WWOX: variants seen among roughly 807,000 people sequenced by gnomAD.
WWOX encodes the protein WW domain containing oxidoreductase, also known as WW domain-containing oxidoreductase.
A neutral mutation model predicts 46.2 loss-of-function variants in WWOX; 69 were observed. The ratio of observed to expected loss-of-function variants is 1.49; its 90% CI spans 1.23 to 1.82. The LOEUF (loss-of-function observed/expected upper bound fraction) is 1.82. Ranked by LOEUF, WWOX falls within the 40% of genes most tolerant of loss-of-function variation. The pLI is 0.00. For missense variants in WWOX, 919 were observed against 542.6 expected (o/e 1.69, Z -6.89); for synonymous variants, 359 against 202.6 (o/e 1.77, Z -6.56).
rs778279480 is a variant in WWOX, at chr16:78,404,893, A to G, written c.605+17945A>G. On this transcript the variant is annotated intron_variant, in intron 6 of 8. Coordinates refer to ENST00000566780, the MANE Select transcript of WWOX (RefSeq NM_016373.4). Reference sequence around the variant, plus strand: ...AAAAATGGAAACAACCAGAACTGTAACACCAAGGAATGAGACCTGCATGTC... The same window carrying G: ...AAAAATGGAAACAACCAGAACTGTAGCACCAAGGAATGAGACCTGCATGTC... Among the ~76,000 whole-genome samples the G allele has an allele frequency of 1.7e-4, 26 of 152,342 alleles. No homozygotes were observed. In the Middle Eastern group the frequency reaches 0.01, roughly 60 times the overall value.
intron 5 of WWOX, among the ~76,000 whole-genome samples, chr16:78,292,297 T>A (rs2079873449): frequency 6.6e-6 from 1 of 152,154 alleles, no homozygotes; most frequent in Non-Finnish European, 1.5e-5. Flanking sequence ...GTTAGAAGAA[T>A]GAAAGATTGA....
chr16:78,936,751 A>C (rs77695820), intron 8 of WWOX, among the ~76,000 whole-genome samples: 12,742 of 151,396 alleles, frequency 0.084, 710 homozygotes, highest in Non-Finnish European at 0.13. Context: ...CAGTGGATCA[A>C]CTATGAGTTA....
intron 8 of WWOX, among the ~76,000 whole-genome samples, chr16:78,921,006 G>T (rs2045365708): frequency 6.6e-6 from 1 of 152,112 alleles, no homozygotes; most frequent in African/African-American, 2.4e-5. Flanking sequence ...CACACTGGCT[G>T]TTTGCTTGAT....
intron 5 of WWOX, among the ~76,000 whole-genome samples, chr16:78,192,974 C>T (rs2035929680): frequency 6.6e-6 from 1 of 152,208 alleles, no homozygotes; most frequent in Non-Finnish European, 1.5e-5. Context: ...TGTTTGTTTG[C>T]TCATAACACA....
intron 8 of WWOX, among the ~76,000 whole-genome samples, chr16:79,012,536 C>G (rs1166673573): frequency 6.6e-6 from 1 of 152,136 alleles, no homozygotes; most frequent in African/African-American, 2.4e-5. Flanking sequence ...CGCAGACGGA[C>G]ATATGAATTT....
chr16:78,681,493 T>A (rs16948302), intron 8 of WWOX, among the ~76,000 whole-genome samples: 26,482 of 150,896 alleles, frequency 0.18, 4,792 homozygotes, highest in African/African-American at 0.46. Flanking sequence ...AGAGCCCTTT[T>A]AATTATGACT....
chr16:79,009,473 T>C (rs1201657051), intron 8 of WWOX, among the ~76,000 whole-genome samples: 4 of 152,000 alleles, frequency 2.6e-5, no homozygotes, highest in Admixed American at 6.6e-5. Context: ...CATCAAATTT[T>C]CTTTTTTTTT....
In WWOX at chr16:78,577,805, A is replaced by T. The variant is rs185154221; in HGVS notation, c.1056+145053A>T. On this transcript the variant is annotated intron_variant, in intron 8 of 8. Coordinates refer to ENST00000566780, the MANE Select transcript of WWOX (RefSeq NM_016373.4). ...TCTGTTGCTAGGTAATGTCAATGAC[A>T]TGACTTTCAGTTTAGCACATGTACA... 2.0e-5 allele frequency among the ~76,000 whole-genome samples: 3 copies of T among 152,266 alleles called. No individual in the cohort carries two copies. In the East Asian group the frequency reaches 5.8e-4, roughly 30 times the overall value.
At chr16:79,120,014 A>G (rs2049595848) in intron 8 of WWOX, among the ~76,000 whole-genome samples, 1 of 152,194 alleles carries the variant, frequency 6.6e-6, no homozygotes, top group African/African-American at 2.4e-5. Context: ...ACATAACCAC[A>G]CAGCCCAGTG....
At chr16:78,168,611 T>C (rs1251097438) in intron 5 of WWOX, 1 of 152,126 alleles carries the variant, frequency 6.6e-6, no homozygotes, top group African/African-American at 2.4e-5. Flanking sequence ...TTACCATGTT[T>C]AGTATCAATG....
chr16:79,079,270 C>G (rs2048716421), intron 8 of WWOX, among the ~76,000 whole-genome samples: 1 of 152,192 alleles, frequency 6.6e-6, no homozygotes, highest in Non-Finnish European at 1.5e-5. Context: ...ATTTAATCAC[C>G]TTAGCCCATA....
At chr16:78,373,568 A>AG (rs1462891244) in intron 5 of WWOX, among the ~76,000 whole-genome samples, 7 of 152,068 alleles carry the variant, frequency 4.6e-5, no homozygotes, top group Non-Finnish European at 1.0e-4. Flanking sequence ...CTGTGGAAAG[A>AG]GGAGAAGTAT....
chr16:78,824,056 C>G (rs895415554), intron 8 of WWOX, among the ~76,000 whole-genome samples: 3 of 152,002 alleles, frequency 2.0e-5, no homozygotes, highest in African/African-American at 7.2e-5. Context: ...GGTTTCTAGC[C>G]TCTGAATCCA....
At chr16:78,476,904 C>T (rs886065385) in intron 8 of WWOX, among the ~76,000 whole-genome samples, 2 of 152,070 alleles carry the variant, frequency 1.3e-5, no homozygotes, top group African/African-American at 4.8e-5. Flanking sequence ...CTCTTCTCTC[C>T]CCTCTCCCCC....
intron 6 of WWOX, among the ~76,000 whole-genome samples, chr16:78,419,021 C>G (rs561676889): frequency 2.6e-5 from 4 of 152,036 alleles, no homozygotes; most frequent in African/African-American, 9.7e-5. Context: ...TCTTTATTTG[C>G]AAATGAAATC....
intron 8 of WWOX, among the ~76,000 whole-genome samples, chr16:78,533,517 C>G (rs1280339956): frequency 6.6e-6 from 1 of 152,078 alleles, no homozygotes; most frequent in Non-Finnish European, 1.5e-5. Flanking sequence ...GGCCCACCAG[C>G]TATGGTTTGG....
At chr16:79,178,718 C>A (rs4243165) in intron 8 of WWOX, among the ~76,000 whole-genome samples, 80,468 of 151,620 alleles carry the variant, frequency 0.53, 22,061 homozygotes, top group East Asian at 0.91. Context: ...TGGGATGTGC[C>A]TACCTAATGC....
intron 5 of WWOX, among the ~76,000 whole-genome samples, chr16:78,324,922 G>A (rs983126902): frequency 6.6e-6 from 1 of 152,196 alleles, no homozygotes; most frequent in Non-Finnish European, 1.5e-5. Flanking sequence ...CGTATGGTAT[G>A]TCAATTATAT....
chr16:79,210,651 A>G (rs1448012724), intron 8 of WWOX, among the ~76,000 whole-genome samples: 1 of 152,174 alleles, frequency 6.6e-6, no homozygotes, highest in Non-Finnish European at 1.5e-5. Context: ...GATAAACTGT[A>G]TTGGTTTTAA....
Sources: allele counts gnomAD v4.1 joint callset (sites outside exome capture counted in the v4.1 genomes callset), GRCh38; gene constraint gnomAD v4.1.1; transcripts MANE v1.5; gene names NCBI Gene and HGNC (gene_info 2026-07-23, HGNC 2026-07-21).